The following CFTR variants were observed in gnomAD, a reference collection of about 807,000 sequenced individuals.
CFTR encodes CF transmembrane conductance regulator.
In CFTR, 181 loss-of-function variants were observed where a neutral mutation model predicts 171.6. That is an observed-to-expected ratio of 1.05 (90% CI 0.93 to 1.19). The LOEUF (loss-of-function observed/expected upper bound fraction) is 1.19. CFTR is among the 50% of genes most tolerant of loss of function. CFTR has a pLI of 0.00. For missense variants in CFTR, 1,968 were observed against 1,734.7 expected (o/e 1.13, Z -2.39); for synonymous variants, 583 against 608.0 (o/e 0.96, Z 0.60).
chr7:117,489,165 T>TC (rs1267121485), intron 1 of CFTR, among the ~76,000 whole-genome samples: 8 of 152,132 alleles, frequency 5.3e-5, no homozygotes, highest in African/African-American at 1.9e-4. Flanking sequence ...GCCTTGAAAT[T>TC]ATACTGCCTG....
At chr7:117,494,343 A>T (rs982691976) in intron 1 of CFTR, among the ~76,000 whole-genome samples, 6 of 152,050 alleles carry the variant, frequency 3.9e-5, no homozygotes, top group Admixed American at 2.6e-4. Flanking sequence ...CTGTACACAT[A>T]GTGAGAGGTC....
chr7:117,613,377 C>G (rs1042081534), intron 20 of CFTR, among the ~76,000 whole-genome samples: 11 of 152,122 alleles, frequency 7.2e-5, no homozygotes, highest in African/African-American at 2.7e-4. Flanking sequence ...GGCCACCCAG[C>G]TATTATTATC....
chr7:117,564,769 G>A (rs1791574138), intron 11 of CFTR: 1 of 166,812 alleles, frequency 6.0e-6, no homozygotes, highest in African/African-American at 2.4e-5. Context: ...ATGATGCTCA[G>A]TGTCATAGGA....
intron 1 of CFTR, among the ~76,000 whole-genome samples, chr7:117,482,181 A>G (rs142978305): frequency 9.2e-5 from 14 of 152,174 alleles, no homozygotes; most frequent in South Asian, 2.1e-4. Flanking sequence ...TGTGTTTCAC[A>G]TGGCCTTACC....
chr7:117,590,594 C>T (rs1040393172), intron 13 of CFTR, among the ~76,000 whole-genome samples, 155 bp downstream of exon 13: 2 of 151,924 alleles, frequency 1.3e-5, no homozygotes, highest in South Asian at 4.1e-4. Flanking sequence ...TCTGATCTGC[C>T]CTACTGGGCC....
At chr7:117,608,464 C>G (rs1792335333) in intron 18 of CFTR, among the ~76,000 whole-genome samples, 1 of 152,158 alleles carries the variant, frequency 6.6e-6, no homozygotes, top group African/African-American at 2.4e-5. Flanking sequence ...CCACCTGCCT[C>G]AGCCTCTTAA....
chr7:117,488,830 A>C (rs1242883510), intron 1 of CFTR, among the ~76,000 whole-genome samples: 1 of 152,076 alleles, frequency 6.6e-6, no homozygotes, highest in African/African-American at 2.4e-5. Flanking sequence ...TCACAGTGTT[A>C]TGTTTCTGAA....
At chr7:117,487,852 A>AT (rs1266348868) in intron 1 of CFTR, 1 of 152,160 alleles carries the variant, frequency 6.6e-6, no homozygotes, top group Non-Finnish European at 1.5e-5. Context: ...TGACAGCTGT[A>AT]TTAAGAGGTG....
chr7:117,565,135 C>T (rs944577263), intron 11 of CFTR, among the ~76,000 whole-genome samples: 1 of 152,176 alleles, frequency 6.6e-6, no homozygotes, highest in African/African-American at 2.4e-5. Flanking sequence ...ATTAACTTAT[C>T]CTACCATTTT....
At chr7:117,598,832 A>G (rs1202172388) in intron 15 of CFTR, among the ~76,000 whole-genome samples, 5 of 152,164 alleles carry the variant, frequency 3.3e-5, no homozygotes, top group African/African-American at 9.7e-5. Context: ...TCATTTATAC[A>G]ATGGAGATTT....
intron 11 of CFTR, among the ~76,000 whole-genome samples, chr7:117,583,200 T>C (rs1422538435): frequency 6.6e-6 from 1 of 152,140 alleles, no homozygotes; most frequent in Non-Finnish European, 1.5e-5. Context: ...TCAATAGTTT[T>C]TGGGCTACAG....
At chr7:117,519,863 C>A (rs2116655714) in intron 3 of CFTR, among the ~76,000 whole-genome samples, 1 of 151,950 alleles carries the variant, frequency 6.6e-6, no homozygotes, top group Middle Eastern at 3.4e-3. Flanking sequence ...AAAGGTCCTT[C>A]AGTACACACC....
At chr7:117,604,790 A>C (rs1002464552) in intron 17 of CFTR, 1 of 152,180 alleles carries the variant, frequency 6.6e-6, no homozygotes, top group African/African-American at 2.4e-5. Flanking sequence ...AAGATGTCTA[A>C]TTAAGTTGAT....
intron 24 of CFTR, among the ~76,000 whole-genome samples, chr7:117,663,751 T>C (rs1470709676): frequency 6.6e-6 from 1 of 152,202 alleles, no homozygotes; most frequent in Non-Finnish European, 1.5e-5. Flanking sequence ...TACTAAATTC[T>C]AGACTTCTCA....
intron 24 of CFTR, among the ~76,000 whole-genome samples, chr7:117,662,002 A>C (rs1376494421): frequency 2.6e-5 from 4 of 151,176 alleles, no homozygotes; most frequent in Non-Finnish European, 5.9e-5. Context: ...AAAAAAAAAA[A>C]AAAACCCTCA....
intron 20 of CFTR, among the ~76,000 whole-genome samples, chr7:117,612,350 C>G (rs1003757006): frequency 6.7e-6 from 1 of 149,992 alleles, no homozygotes; most frequent in Admixed American, 6.7e-5. Flanking sequence ...CAAAGAAAAA[C>G]TGTCACAGAA....
intron 3 of CFTR, among the ~76,000 whole-genome samples, chr7:117,517,133 T>C (rs1202425825): frequency 6.6e-6 from 1 of 151,930 alleles, no homozygotes; most frequent in African/African-American, 2.4e-5. Flanking sequence ...TAGATGGCGA[T>C]TGCAATGGCG....
chr7:117,661,662 GTGT>G (rs1288320685), intron 24 of CFTR, among the ~76,000 whole-genome samples: 1 of 152,178 alleles, frequency 6.6e-6, no homozygotes, highest in Non-Finnish European at 1.5e-5. Context: ...CACAAAGGTA[GTGT>G]TTCAGTTCCT....
chr7:117,654,249 A>C (rs1262027718), intron 24 of CFTR, among the ~76,000 whole-genome samples: 1 of 152,080 alleles, frequency 6.6e-6, no homozygotes, highest in Non-Finnish European at 1.5e-5. Flanking sequence ...GCATTGCCCT[A>C]ATGTGGGCTC....
Sources: allele counts gnomAD v4.1 joint callset (sites outside exome capture counted in the v4.1 genomes callset), GRCh38; gene constraint gnomAD v4.1.1; transcripts MANE v1.5; gene names NCBI Gene and HGNC (gene_info 2026-07-23, HGNC 2026-07-21).